The following SMARCA2 variants were observed in gnomAD, a reference collection of about 807,000 sequenced individuals.
SMARCA2 encodes the protein SWI/SNF-related matrix-associated actin-dependent regulator of chromatin subfamily A member 2.
SMARCA2 carries 61 observed loss-of-function variants against 199.8 expected under a neutral mutation model. The observed-to-expected ratio is 0.31, with a 90% CI of 0.25 to 0.38. The LOEUF (loss-of-function observed/expected upper bound fraction) is 0.38. Ranked by LOEUF, SMARCA2 falls within the 10% of genes least tolerant of loss-of-function variation. SMARCA2 has a pLI of 1.00. For synonymous variants in SMARCA2, 935 were observed against 732.0 expected (o/e 1.28, Z -4.48); for missense variants, 1,344 against 2,012.2 (o/e 0.67, Z 6.35).
chr9:2,152,364 G>A (rs1460622857), intron 27 of SMARCA2, among the ~76,000 whole-genome samples: 1 of 151,918 alleles, frequency 6.6e-6, no homozygotes, highest in East Asian at 1.9e-4. Context: ...GACCAGTCTG[G>A]CCAACACGAT....
At chr9:2,021,816 A>G (rs1818613209) in intron 1 of SMARCA2, 1 of 152,216 alleles carries the variant, frequency 6.6e-6, no homozygotes, top group South Asian at 2.1e-4. Context: ...TGCATGGGCC[A>G]TGTGATACAG....
At chr9:2,018,417 G>T (rs900767836) in intron 1 of SMARCA2, among the ~76,000 whole-genome samples, 2 of 152,140 alleles carry the variant, frequency 1.3e-5, no homozygotes, top group African/African-American at 4.8e-5. Flanking sequence ...AAAGCGACCT[G>T]GGCTAGTAAT....
intron 27 of SMARCA2, among the ~76,000 whole-genome samples, chr9:2,149,056 AT>A (rs1364167804): frequency 6.6e-6 from 1 of 151,556 alleles, no homozygotes; most frequent in African/African-American, 2.4e-5. Flanking sequence ...ACCTGCCTGT[AT>A]TAGTCTGTTT....
At chr9:2,158,914 A>T in intron 27 of SMARCA2, 1 of 1,609,200 alleles carries the variant, frequency 6.2e-7, no homozygotes, top group Middle Eastern at 1.7e-4. Context: ...GTCTTTGGGG[A>T]GGAGGGAAGA....
chr9:2,019,398 T>C (rs1021075818), intron 1 of SMARCA2, among the ~76,000 whole-genome samples: 4 of 152,006 alleles, frequency 2.6e-5, no homozygotes, highest in Non-Finnish European at 5.9e-5. Context: ...AAAGCAGCCT[T>C]AGATCTTTTC....
At chr9:2,155,575 G>A (rs969424341) in intron 27 of SMARCA2, among the ~76,000 whole-genome samples, 19 of 151,966 alleles carry the variant, frequency 1.3e-4, no homozygotes, top group East Asian at 5.8e-4. Flanking sequence ...GCCACTGCGC[G>A]GGGGCATTTT....
At chr9:2,090,599 A>T (rs563277753) in intron 19 of SMARCA2, among the ~76,000 whole-genome samples, 1 of 152,218 alleles carries the variant, frequency 6.6e-6, no homozygotes, top group Non-Finnish European at 1.5e-5. Flanking sequence ...TGCCAGGCAC[A>T]TGGTGGGCAC....
At chr9:2,108,012 G>T (rs1395842896) in intron 23 of SMARCA2, among the ~76,000 whole-genome samples, 1 of 152,004 alleles carries the variant, frequency 6.6e-6, no homozygotes, top group South Asian at 2.1e-4. Context: ...GTGATTGGCA[G>T]TGGGGAAAAA....
intron 9 of SMARCA2, 82 bp downstream of exon 9, chr9:2,061,068 C>A: frequency 7.9e-7 from 1 of 1,269,456 alleles, no homozygotes; most frequent in Non-Finnish European, 1.1e-6. Context: ...TCTTTAAGTA[C>A]TACTTCTTAC....
intron 1 of SMARCA2, among the ~76,000 whole-genome samples, chr9:2,024,558 T>C (rs1818744194): frequency 6.6e-6 from 1 of 152,228 alleles, no homozygotes; most frequent in African/African-American, 2.4e-5. Flanking sequence ...AGGGCTTCTC[T>C]TTACTTCTCT....
intron 27 of SMARCA2, among the ~76,000 whole-genome samples, chr9:2,143,437 T>C (rs879312133): frequency 2.0e-5 from 3 of 152,184 alleles, no homozygotes; most frequent in African/African-American, 4.8e-5. Flanking sequence ...TGTCCCTCTG[T>C]TTAAGCAGAG....
intron 27 of SMARCA2, among the ~76,000 whole-genome samples, chr9:2,155,618 T>C (rs1442071333): frequency 6.6e-6 from 1 of 151,888 alleles, no homozygotes; most frequent in Non-Finnish European, 1.5e-5. Flanking sequence ...TTAACTAAAA[T>C]AGTGTATTAA....
Position 2,123,849 on chromosome 9 carries a change from A to G in SMARCA2, c.3893A>G (p.Glu1298Gly). ...GAAGTAGAAAGGCTCACCTGTGAAG[A>G]AGAGGAGGAGAAAATATTTGGGAGG... ...DAEVERLTCEEEEEKIFGRGS... is the reference protein window; with the variant it reads ...DAEVERLTCEGEEEKIFGRGS... Residue 1298 changes from glutamate (E) to glycine (G), a missense_variant, in exon 27 of 34, where the codon GAA (glutamate) becomes GGA (glycine). By Grantham distance (98) the Glu-to-Gly change is moderately conservative (BLOSUM62 -2). Coordinates refer to ENST00000349721, the MANE Select transcript of SMARCA2 (RefSeq NM_003070.5). The surrounding 1 kb of genome is among the most constrained non-coding windows in gnomAD (Gnocchi z 4.1). 1 of 1,610,828 alleles carries G rather than the reference A, an allele frequency of 6.2e-7. No individual in the cohort carries two copies. The highest frequency in any genetic ancestry group is 8.5e-7 in the Non-Finnish European group (1 of 1,178,732).
intron 27 of SMARCA2, among the ~76,000 whole-genome samples, chr9:2,140,958 C>A (rs996480823): frequency 1.3e-5 from 2 of 152,034 alleles, no homozygotes; most frequent in African/African-American, 4.8e-5. Context: ...TGCATTCTCA[C>A]ACTGGCGCAG....
chr9:2,039,569 G>T lies in SMARCA2; in HGVS notation c.459G>T (p.Pro153=). The T allele has an allele frequency of 6.2e-7, 1 of 1,614,102 alleles. No homozygotes were observed. The highest frequency in any genetic ancestry group is 2.2e-5 in the East Asian group (1 of 44,890). Residue 153 remains proline, a synonymous_variant, in exon 4 of 34, where the codon CCG becomes CCT. Transcript: ENST00000349721. This position sits in a 1 kb window ranked among gnomAD's most constrained non-coding sequence, Gnocchi z 4.8. ...CACCTCAGATGCCACCAAGCCAGCC[G>T]GGGGCCCTCATCCCAGGTGATCCGC... is the stretch of plus-strand genomic sequence containing the variant. The part of the protein sequence containing the change: ...PTPPQMPPSQ[P]GALIPGDPQA...
chr9:2,161,430 C>G lies in SMARCA2; in HGVS notation c.3982-256C>G, dbSNP rs770684218. Among the ~76,000 whole-genome samples, 1 of 152,070 alleles carries G rather than the reference C, an allele frequency of 6.6e-6. No homozygotes were observed. The highest frequency in any genetic ancestry group is 2.4e-5 in the African/African-American group (1 of 41,410). On this transcript the variant is annotated intron_variant, in intron 27 of 33. Coordinates refer to ENST00000349721, the MANE Select transcript of SMARCA2 (RefSeq NM_003070.5). The surrounding 1 kb of genome is among the most constrained non-coding windows in gnomAD (Gnocchi z 4.7). Reference sequence around the variant, plus strand: ...TAGATCTTTTAATATTTGTCATATTCTCCTTTACTGTGAGTGTTTTGGGCC... The same window carrying G: ...TAGATCTTTTAATATTTGTCATATTGTCCTTTACTGTGAGTGTTTTGGGCC...
intron 1 of SMARCA2, among the ~76,000 whole-genome samples, chr9:2,024,006 A>G (rs1818715632): frequency 6.6e-6 from 1 of 152,162 alleles, no homozygotes; most frequent in Non-Finnish European, 1.5e-5. Flanking sequence ...TTTATTTCTG[A>G]TATTCCACCT....
intron 3 of SMARCA2, among the ~76,000 whole-genome samples, chr9:2,035,580 T>C (rs1015739493): frequency 1.3e-5 from 2 of 152,216 alleles, no homozygotes; most frequent in Non-Finnish European, 2.9e-5. Context: ...CTTATTTATC[T>C]TGGAATCCAC....
At chr9:2,167,379 T>C (rs1343912126) in intron 28 of SMARCA2, among the ~76,000 whole-genome samples, 1 of 152,256 alleles carries the variant, frequency 6.6e-6, no homozygotes, top group African/African-American at 2.4e-5. Flanking sequence ...TCTCTATCAA[T>C]TGCTCGAAGA....
Sources: allele counts gnomAD v4.1 joint callset (sites outside exome capture counted in the v4.1 genomes callset), GRCh38; gene constraint gnomAD v4.1.1; non-coding constraint Gnocchi (gnomAD v3.1); transcripts MANE v1.5; gene names NCBI Gene and HGNC (gene_info 2026-07-23, HGNC 2026-07-21).